Variants in IL6R observed in about 807,000 individuals in gnomAD.
The protein encoded by IL6R is interleukin-6 receptor subunit alpha.
In IL6R, 38 loss-of-function variants were observed where a neutral mutation model predicts 48.3. That is an observed-to-expected ratio of 0.79 (90% CI 0.61 to 1.03). The LOEUF is 1.03. Ranked by LOEUF, IL6R falls within the 50% of genes least tolerant of loss-of-function variation. IL6R has a pLI of 0.00. For synonymous variants in IL6R, 264 were observed against 256.2 expected, an observed-to-expected ratio of 1.03 and a Z score of -0.29; for missense variants, 534 against 618.3, an observed-to-expected ratio of 0.86 and a Z score of 1.45.
rs149834091 is a variant in IL6R at position 154,405,618 on chromosome 1, C to G, written c.-12C>G. ...CTCTGCGGGACCATGGAGTGGTAGC[C>G]GAGGAGGAAGCATGCTGGCCGTCGG... On this transcript the variant is annotated 5_prime_UTR_variant, in exon 1 of 10. Transcript: ENST00000368485. The surrounding 1 kb of genome is among the most constrained non-coding windows in gnomAD (Gnocchi z 5.2). 155 of 1,523,620 alleles carry G rather than the reference C, an allele frequency of 1.0e-4. No individual in the cohort carries two copies. The East Asian group carries it at 3.7e-3, about 37-fold the overall frequency. 94.4% of individuals were successfully genotyped at this position (1,523,620 alleles called of 1,614,324 possible).
chr1:154,418,430 A>G, intron 1 of IL6R: 1 of 983,778 alleles, frequency 1.0e-6, no homozygotes, highest in Non-Finnish European at 1.2e-6. Context: ...AGGCAAGGCC[A>G]AGGTAAATAC....
At chr1:154,418,532 G>C (rs973024313) in intron 1 of IL6R, 15 of 455,936 alleles carry the variant, frequency 3.3e-5, no homozygotes, top group Non-Finnish European at 1.7e-5. Flanking sequence ...CTAGTCATCT[G>C]AGAAGAGGGG....
intron 8 of IL6R, among the ~76,000 whole-genome samples, chr1:154,451,957 G>C (rs1489750236): frequency 6.6e-6 from 1 of 152,064 alleles, no homozygotes; most frequent in African/African-American, 2.4e-5. Context: ...GCTCAGGTGC[G>C]GGGGATCGGG....
At chr1:154,415,000 GT>G in intron 1 of IL6R, 1 of 1,518,774 alleles carries the variant, frequency 6.6e-7, no homozygotes, top group Non-Finnish European at 9.0e-7. Context: ...ATGAGCTGCT[GT>G]TTGGTCAGCT....
chr1:154,409,684 T>C (rs1687920083), intron 1 of IL6R, among the ~76,000 whole-genome samples: 1 of 152,198 alleles, frequency 6.6e-6, no homozygotes, highest in East Asian at 1.9e-4. Flanking sequence ...TCCTACTCTG[T>C]TCCAGGCACT....
chr1:154,447,442 A>ATATATATATATAT lies in IL6R; in HGVS notation c.950-683_950-682insTATATATATATAT, dbSNP rs375992381. On this transcript the variant is annotated intron_variant, in intron 6 of 9. Transcript: ENST00000368485. Reference sequence around the variant, plus strand: ...CAAAAGAGTGAAACTCCATCTCAAAAAAAAAAAAAAAAATATATATATATA... The same window carrying ATATATATATATAT: ...CAAAAGAGTGAAACTCCATCTCAAAATATATATATATATAAAAAAAAAAAAATATATATATATA... 1.7e-3 allele frequency among the ~76,000 whole-genome samples: 100 copies of ATATATATATATAT among 60,176 alleles called. 7 individuals are homozygous for ATATATATATATAT. Among genetic ancestry groups the ATATATATATATAT allele is most frequent in the Admixed American group, 2.4e-3 (10 of 4,180 alleles). The allele number at this position is 60,176 out of a possible 152,430, so 39.5% of individuals were successfully genotyped here.
chr1:154,427,717 C>T (rs1558308328), intron 1 of IL6R, among the ~76,000 whole-genome samples: 2 of 152,278 alleles, frequency 1.3e-5, no homozygotes, highest in East Asian at 3.9e-4. Context: ...TGGCCAGTAG[C>T]CAGTGTGGAC....
intron 1 of IL6R, among the ~76,000 whole-genome samples, chr1:154,419,853 C>T (rs944463114): frequency 2.0e-5 from 3 of 152,186 alleles, no homozygotes; most frequent in Non-Finnish European, 2.9e-5. Flanking sequence ...AGTAGAAAAA[C>T]AACAAAGCTG....
chr1:154,458,205 C>T (rs1196028084), intron 9 of IL6R, among the ~76,000 whole-genome samples: 5 of 151,970 alleles, frequency 3.3e-5, no homozygotes, highest in Admixed American at 2.0e-4. Flanking sequence ...CTCCTGACCT[C>T]GTGATCCACC....
At chr1:154,415,269 T>C in intron 1 of IL6R, 1 of 565,834 alleles carries the variant, frequency 1.8e-6, no homozygotes, top group South Asian at 1.9e-5. Flanking sequence ...TTAAAAGTTT[T>C]AAAAGTTTAA....
intron 6 of IL6R, among the ~76,000 whole-genome samples, chr1:154,443,430 T>A (rs941706627): frequency 6.6e-6 from 1 of 152,246 alleles, no homozygotes; most frequent in Non-Finnish European, 1.5e-5. Flanking sequence ...ATGGCATCCC[T>A]GAATTCCCTC....
In IL6R at chr1:154,417,938, T is replaced by A. The variant is rs143920499; in HGVS notation, c.86-11258T>A. ...TTAGTAGAGACAGGATTTCACCATGTTGGCCAAGCTGATCTCAAACTCCTG... is the reference window on the plus strand; with the variant it reads ...TTAGTAGAGACAGGATTTCACCATGATGGCCAAGCTGATCTCAAACTCCTG... On this transcript the variant is annotated intron_variant, in intron 1 of 9. Transcript: ENST00000368485. Among the ~76,000 whole-genome samples, 986 of 152,248 alleles carry A rather than the reference T, an allele frequency of 6.5e-3. 13 individuals carry two copies. The highest frequency in any genetic ancestry group is 0.023 in the African/African-American group (944 of 41,536).
chr1:154,408,459 C>G (rs771405494), intron 1 of IL6R, among the ~76,000 whole-genome samples: 1 of 152,084 alleles, frequency 6.6e-6, no homozygotes, highest in Non-Finnish European at 1.5e-5. Context: ...GGCTGAGAAA[C>G]CCCAGACTCT....
chr1:154,452,616 G>A (rs1690648566), intron 8 of IL6R, among the ~76,000 whole-genome samples: 1 of 150,036 alleles, frequency 6.7e-6, no homozygotes, highest in African/African-American at 2.5e-5. Context: ...TGGATCACGA[G>A]GTCAGGAGAT....
intron 1 of IL6R, among the ~76,000 whole-genome samples, chr1:154,427,721 T>C (rs1365012418): frequency 6.6e-6 from 1 of 152,180 alleles, no homozygotes; most frequent in African/African-American, 2.4e-5. Flanking sequence ...CAGTAGCCAG[T>C]GTGGACTCCA....
chr1:154,454,085 A>G (rs1690736985), intron 8 of IL6R: 1 of 214,740 alleles, frequency 4.7e-6, no homozygotes, highest in African/African-American at 2.3e-5. Context: ...ACTGCCATCA[A>G]GGAGGTCCCC....
At chr1:154,448,273 T>A in intron 7 of IL6R, 102 bp downstream of exon 7, 1 of 871,580 alleles carries the variant, frequency 1.1e-6, no homozygotes, top group Non-Finnish European at 1.9e-6. Flanking sequence ...GTTCTGTCAC[T>A]AGTAGAAATG....
intron 1 of IL6R, among the ~76,000 whole-genome samples, chr1:154,411,186 G>A (rs1687997856): frequency 1.3e-5 from 2 of 152,150 alleles, no homozygotes; most frequent in Non-Finnish European, 2.9e-5. Context: ...TGCCTCCAGA[G>A]TAGCTGGCAT....
At chr1:154,439,757 T>C (rs763627069) in intron 6 of IL6R, among the ~76,000 whole-genome samples, 1 of 152,198 alleles carries the variant, frequency 6.6e-6, no homozygotes, top group Admixed American at 6.6e-5. Context: ...TTTCACCCAC[T>C]CCTTCCCCCA....
Sources: allele counts gnomAD v4.1 joint callset (sites outside exome capture counted in the v4.1 genomes callset), GRCh38; gene constraint gnomAD v4.1.1; non-coding constraint Gnocchi (gnomAD v3.1); transcripts MANE v1.5; gene names NCBI Gene and HGNC (gene_info 2026-07-23, HGNC 2026-07-21).